The following PBX1 variants were observed in gnomAD, a reference collection of about 807,000 sequenced individuals.
PBX1 encodes pre-B-cell leukemia transcription factor 1.
Under a neutral mutation model 53.4 loss-of-function variants are expected in PBX1, and 6 were observed. The ratio of observed to expected loss-of-function variants is 0.11; its 90% CI spans 0.06 to 0.22. The LOEUF is 0.22. PBX1 is among the 10% of genes least tolerant of loss of function. The pLI is 1.00. For missense variants in PBX1, 251 were observed against 551.4 expected (o/e 0.46, Z 5.46); for synonymous variants, 204 against 212.3 (o/e 0.96, Z 0.34).
chr1:164,728,367 T>C (rs1203782830), intron 2 of PBX1, among the ~76,000 whole-genome samples: 1 of 151,416 alleles, frequency 6.6e-6, no homozygotes. Flanking sequence ...TGGTGAACCA[T>C]TTTAGGCCTT....
intron 2 of PBX1, among the ~76,000 whole-genome samples, chr1:164,599,277 T>G (rs913278206): frequency 6.6e-6 from 1 of 152,022 alleles, no homozygotes; most frequent in East Asian, 1.9e-4. Flanking sequence ...TTTTAAGTTC[T>G]GGGATACATG....
intron 2 of PBX1, among the ~76,000 whole-genome samples, chr1:164,574,101 C>T (rs982127390): frequency 2.0e-5 from 3 of 152,188 alleles, no homozygotes; most frequent in African/African-American, 4.8e-5. Flanking sequence ...TGCTGGAAGC[C>T]GGGATGGGGT....
At chr1:164,773,629 C>T (rs1172753340) in intron 2 of PBX1, among the ~76,000 whole-genome samples, 1 of 152,108 alleles carries the variant, frequency 6.6e-6, no homozygotes, top group African/African-American at 2.4e-5. Flanking sequence ...TAGGTTGGGA[C>T]TGGTAGGACG....
At chr1:164,694,237 AT>A (rs1412924891) in intron 2 of PBX1, among the ~76,000 whole-genome samples, 1 of 152,046 alleles carries the variant, frequency 6.6e-6, no homozygotes, top group Non-Finnish European at 1.5e-5. Flanking sequence ...TCATCTCTGT[AT>A]TCTCTTGGTT....
chr1:164,767,251 T>G (rs183918850), intron 2 of PBX1, among the ~76,000 whole-genome samples: 48 of 152,250 alleles, frequency 3.2e-4, no homozygotes, highest in Admixed American at 2.1e-3. Context: ...AAGGAAAATG[T>G]CAACTCTTCA....
At chr1:164,801,988 C>A (rs140017030) in intron 4 of PBX1, among the ~76,000 whole-genome samples, 9 of 152,310 alleles carry the variant, frequency 5.9e-5, no homozygotes, top group African/African-American at 2.2e-4. Flanking sequence ...GTAAGAAAGA[C>A]ACACTCACTG....
chr1:164,626,861 A>T (rs1658082714), intron 2 of PBX1, among the ~76,000 whole-genome samples: 1 of 152,156 alleles, frequency 6.6e-6, no homozygotes, highest in East Asian at 1.9e-4. Flanking sequence ...TCACCATTTA[A>T]CAGGTATAAT....
At chr1:164,581,783 T>A (rs1379591473) in intron 2 of PBX1, among the ~76,000 whole-genome samples, 1 of 152,100 alleles carries the variant, frequency 6.6e-6, no homozygotes, top group African/African-American at 2.4e-5. Context: ...ATAAAGAAAA[T>A]TTTACAAAAG....
chr1:164,622,003 G>T (rs760952350), intron 2 of PBX1, among the ~76,000 whole-genome samples: 9 of 152,256 alleles, frequency 5.9e-5, no homozygotes, highest in Non-Finnish European at 1.0e-4. Context: ...GTCAAGTCAG[G>T]TGTCAGACAA....
At chr1:164,812,316 T>C (rs1669653375) in intron 6 of PBX1, among the ~76,000 whole-genome samples, 167 bp downstream of exon 6, 1 of 152,254 alleles carries the variant, frequency 6.6e-6, no homozygotes, top group African/African-American at 2.4e-5. Flanking sequence ...CTTTCTTTCA[T>C]TTCCAAAGAG....
At chr1:164,721,137 C>T (rs773238626) in intron 2 of PBX1, among the ~76,000 whole-genome samples, 5 of 152,192 alleles carry the variant, frequency 3.3e-5, no homozygotes, top group Non-Finnish European at 5.9e-5. Context: ...TTCTAGGGTT[C>T]ATCGGAAACT....
intron 2 of PBX1, chr1:164,700,497 C>G: frequency 1.0e-6 from 1 of 985,348 alleles, no homozygotes; most frequent in Non-Finnish European, 1.2e-6. Flanking sequence ...AGGTTTCTTG[C>G]TACTCTTCGT....
rs545123012 is a variant in PBX1 at position 164,740,950 on chromosome 1, T to C, written c.266-51544T>C. Among the ~76,000 whole-genome samples the C allele has an allele frequency of 9.2e-5, 14 of 152,334 alleles. No individual in the cohort carries two copies. The South Asian group carries it at 1.9e-3, about 20-fold the overall frequency. ...ATCGAACTTTAAATACTGTTAAATA[T>C]GGCAGCCTGAGTAAAAATGTAAATA... On this transcript the variant is annotated intron_variant, in intron 2 of 8. Coordinates refer to ENST00000420696, the MANE Select transcript of PBX1 (RefSeq NM_002585.4).
intron 2 of PBX1, among the ~76,000 whole-genome samples, chr1:164,776,986 T>TG (rs1272336022): frequency 8.2e-5 from 1 of 12,132 alleles, no homozygotes. Flanking sequence ...AGAGGAGGTG[T>TG]GGGGGGGCGG....
chr1:164,745,072 G>A (rs147956894), intron 2 of PBX1, among the ~76,000 whole-genome samples: 2 of 152,120 alleles, frequency 1.3e-5, no homozygotes, highest in Non-Finnish European at 2.9e-5. Context: ...GCAGCAGAAC[G>A]TTGCTGAAGG....
Position 164,846,941 on chromosome 1 carries a change from C to A in PBX1, c.*265C>A. 1 of 1,347,580 alleles carries A rather than the reference C, an allele frequency of 7.4e-7. No individual in the cohort carries two copies. Among genetic ancestry groups the A allele is most frequent in the Non-Finnish European group, 9.6e-7 (1 of 1,046,580 alleles). 83.5% of individuals were successfully genotyped at this position (1,347,580 alleles called of 1,614,324 possible). ...GCCTGGTTTTCGTCATCTTCCCTGC[C>A]CCTGTGCCTCTGTCCTAGACTCCCG... is the stretch of plus-strand genomic sequence containing the variant. On this transcript the variant is annotated 3_prime_UTR_variant, in exon 9 of 9. Transcript: ENST00000420696.
intron 2 of PBX1, among the ~76,000 whole-genome samples, chr1:164,610,046 C>T (rs1302732881): frequency 6.6e-6 from 1 of 152,156 alleles, no homozygotes; most frequent in East Asian, 1.9e-4. Context: ...ACGATGCCCT[C>T]TGTCGAAGGG....
chr1:164,695,934 C>G (rs1041610459), intron 2 of PBX1, among the ~76,000 whole-genome samples: 2 of 152,140 alleles, frequency 1.3e-5, no homozygotes, highest in African/African-American at 4.8e-5. Flanking sequence ...TAGGACTTCC[C>G]TATGAAATGG....
intron 2 of PBX1, among the ~76,000 whole-genome samples, chr1:164,698,031 C>T (rs886274526): frequency 6.6e-6 from 1 of 152,068 alleles, no homozygotes; most frequent in South Asian, 2.1e-4. Context: ...TTGTGGTAAG[C>T]GACTTGGATT....
Sources: gnomAD v4.1 joint callset for allele counts (sites outside exome capture counted in the v4.1 genomes callset) on GRCh38, gnomAD v4.1.1 for gene constraint, MANE v1.5 for transcripts, NCBI Gene and HGNC (gene_info 2026-07-23, HGNC 2026-07-21) for gene names.